Variants in NUP58 observed in about 807,000 individuals in gnomAD.
NUP58 encodes the protein nucleoporin p58/p45.
Under a neutral mutation model 70.1 loss-of-function variants are expected in NUP58, and 17 were observed. The observed-to-expected ratio is 0.24, with a 90% CI of 0.17 to 0.36. NUP58 has a LOEUF of 0.36. NUP58 is among the 10% of genes least tolerant of loss of function. The pLI is 1.00. For synonymous variants in NUP58, 275 were observed against 257.6 expected, an observed-to-expected ratio of 1.07 and a Z score of -0.65; for missense variants, 644 against 701.5, an observed-to-expected ratio of 0.92 and a Z score of 0.93.
At chr13:25,334,743 T>C in intron 13 of NUP58, 1 of 983,432 alleles carries the variant, frequency 1.0e-6, no homozygotes, top group Non-Finnish European at 1.2e-6. Flanking sequence ...GCAGTTTTAC[T>C]TTTAAGAAAG....
rs773576380 is a variant in NUP58 at position 25,339,978 on chromosome 13, A to C, written c.1644A>C (p.Ser548=). Residue 548 remains serine (S), a synonymous_variant, in exon 16 of 16, where the codon TCA becomes TCC. Transcript: ENST00000381736. ...CCTAAACATAAGGCTTTGGCAGCTC[A>C]AGTACATCTGGGTTTAACTTCAGCA... ...SGSLSAGFGS[S]STSGFNFSNP... 12 of 1,603,012 alleles carry C rather than the reference A, an allele frequency of 7.5e-6. No individual in the cohort carries two copies. Among genetic ancestry groups the C allele is most frequent in the Non-Finnish European group, 1.0e-5 (12 of 1,176,268 alleles).
intron 13 of NUP58, chr13:25,335,557 G>T (rs559651855): frequency 1.8e-5 from 18 of 983,758 alleles, no homozygotes; most frequent in African/African-American, 8.7e-5. Context: ...TTCTCAAAGT[G>T]ATCTCAAACT....
intron 13 of NUP58, chr13:25,332,092 A>G (rs2031627797): frequency 1.0e-6 from 1 of 992,840 alleles, no homozygotes; most frequent in Non-Finnish European, 1.2e-6. Context: ...AACAGAATAC[A>G]AGCCCTCTAA....
chr13:25,338,730 A>C lies in NUP58; in HGVS notation c.1629A>C (p.Ala543=). The change falls in exon 15 of 16, where the codon GCA becomes GCC. Residue 543 remains alanine, a splice_region_variant and synonymous_variant. Coordinates refer to ENST00000381736, the MANE Select transcript of NUP58 (RefSeq NM_014089.4). The stretch of plus-strand genomic sequence containing the variant: ...ATAAACCCTCAGGAAGTCTTAGTGC[A>C]GGTTTGTGTGTTTCTGCCTGGATTT... ...TTNKPSGSLS[A]GFGSSSTSGF... is the part of the protein sequence containing the mutation. 2 of 1,611,106 alleles carry C rather than the reference A, an allele frequency of 1.2e-6. No homozygotes were observed. Among genetic ancestry groups the C allele is most frequent in the Non-Finnish European group, 1.7e-6 (2 of 1,177,360 alleles).
chr13:25,319,886 A>G (rs531620303), intron 7 of NUP58, among the ~76,000 whole-genome samples: 27 of 152,226 alleles, frequency 1.8e-4, no homozygotes, highest in African/African-American at 6.3e-4. Flanking sequence ...CATCCTGTGT[A>G]TATTTTAGCT....
In NUP58 at chr13:25,301,770, A is replaced by G. The variant is rs1344696269; in HGVS notation, c.-4A>G. Reference sequence around the variant, plus strand: ...TTGCTGACGGCGTCGAGCCCTGGCCAGACATGTCCACAGGGTTCTCCTTCG... The same window carrying G: ...TTGCTGACGGCGTCGAGCCCTGGCCGGACATGTCCACAGGGTTCTCCTTCG... On this transcript the variant is annotated 5_prime_UTR_variant, in exon 1 of 16. Coordinates refer to ENST00000381736, the MANE Select transcript of NUP58 (RefSeq NM_014089.4). 1 of 1,603,258 alleles carries G rather than the reference A, an allele frequency of 6.2e-7. No homozygotes were observed. The highest frequency in any genetic ancestry group is 2.3e-5 in the East Asian group (1 of 44,306).
chr13:25,331,276 A>G (rs1314762947), intron 12 of NUP58, 81 bp from the exon 13 acceptor site: 1 of 1,304,962 alleles, frequency 7.7e-7, no homozygotes, highest in Non-Finnish European at 1.1e-6. Flanking sequence ...TGTCTTTGGT[A>G]ATTTATGGTT....
At chr13:25,346,726 A>T (rs1379439474), downstream of NUP58, among the ~76,000 whole-genome samples, 1 of 152,034 alleles carries the variant, frequency 6.6e-6, no homozygotes, top group East Asian at 1.9e-4. Context: ...ATCTAAAAAA[A>T]AAAAAAAAGA....
intron 14 of NUP58, among the ~76,000 whole-genome samples, 179 bp from the exon 15 acceptor site, chr13:25,338,457 A>G (rs1347330140): frequency 6.6e-6 from 1 of 152,162 alleles, no homozygotes; most frequent in South Asian, 2.1e-4. Context: ...GTTTTATTTC[A>G]GAATTAGTCT....
chr13:25,333,855 A>G, intron 13 of NUP58: 1 of 985,282 alleles, frequency 1.0e-6, no homozygotes, highest in Non-Finnish European at 1.2e-6. Context: ...TTTATACATC[A>G]CTGTTGATCT....
At chr13:25,330,178 A>G (rs1224164579) in intron 12 of NUP58, among the ~76,000 whole-genome samples, 3 of 152,060 alleles carry the variant, frequency 2.0e-5, no homozygotes, top group Non-Finnish European at 4.4e-5. Flanking sequence ...GTGGATCATT[A>G]TTTTCCATTA....
intron 9 of NUP58, 128 bp from the exon 10 acceptor site, chr13:25,324,861 A>G (rs2031330435): frequency 1.5e-6 from 1 of 671,548 alleles, no homozygotes; most frequent in Admixed American, 2.8e-5. Flanking sequence ...ATATGTTCTT[A>G]TAGCATGAAC....
At chr13:25,320,833 A>T (rs570001919) in intron 8 of NUP58, 86 bp from the exon 9 acceptor site, 1 of 913,392 alleles carries the variant, frequency 1.1e-6, no homozygotes, top group East Asian at 2.8e-5. Context: ...ATTTTAAAAC[A>T]CTTGGACTGT....
downstream of NUP58, among the ~76,000 whole-genome samples, chr13:25,343,805 G>GTGTATATATATATA (rs770283276): frequency 9.4e-5 from 13 of 137,650 alleles, no homozygotes; most frequent in East Asian, 2.4e-3. Flanking sequence ...ACATATATAT[G>GTGTATATATATATA]TATATATATA....
At chr13:25,337,730 C>T (rs2031833708) in intron 14 of NUP58, among the ~76,000 whole-genome samples, 1 of 151,994 alleles carries the variant, frequency 6.6e-6, no homozygotes, top group South Asian at 2.1e-4. Context: ...GACCTATAAG[C>T]TATTACGGTT....
chr13:25,337,089 C>G, intron 14 of NUP58, 55 bp downstream of exon 14: 1 of 1,212,308 alleles, frequency 8.2e-7, no homozygotes, highest in Non-Finnish European at 1.1e-6. Flanking sequence ...TGAATTGATA[C>G]TAGCCTGTAA....
chr13:25,315,832 G>A (rs1466854223), intron 6 of NUP58, among the ~76,000 whole-genome samples: 2 of 152,114 alleles, frequency 1.3e-5, no homozygotes, highest in Non-Finnish European at 2.9e-5. Flanking sequence ...TATCTAAAAA[G>A]GCAACATAAT....
At chr13:25,339,242 A>G (rs1322827589) in intron 15 of NUP58, among the ~76,000 whole-genome samples, 1 of 152,122 alleles carries the variant, frequency 6.6e-6, no homozygotes, top group Non-Finnish European at 1.5e-5. Flanking sequence ...CTACTTTTGC[A>G]TTTATATTGG....
chr13:25,345,623 C>A (rs541661272), downstream of NUP58, among the ~76,000 whole-genome samples: 16 of 151,980 alleles, frequency 1.1e-4, no homozygotes, highest in East Asian at 2.9e-3. Context: ...GTAAGCAGAG[C>A]CATTTTGACT....
Sources: allele counts gnomAD v4.1 joint callset (sites outside exome capture counted in the v4.1 genomes callset), GRCh38; gene constraint gnomAD v4.1.1; transcripts MANE v1.5; gene names NCBI Gene and HGNC (gene_info 2026-07-23, HGNC 2026-07-21).